Variants in HERC2 observed in about 807,000 individuals in gnomAD.
HERC2 encodes the protein HECT and RLD domain containing E3 ubiquitin protein ligase 2.
In HERC2, 102 loss-of-function variants were observed where a neutral mutation model predicts 537.7. The ratio of observed to expected loss-of-function variants is 0.19; its 90% CI spans 0.16 to 0.22. HERC2 has a LOEUF of 0.22. HERC2 is among the 10% of genes least tolerant of loss of function. The pLI, the probability that HERC2 is intolerant of heterozygous loss-of-function variation, is 1.00. For synonymous variants in HERC2, 2,224 were observed against 2,466.2 expected (o/e 0.90, Z 2.91); for missense variants, 4,236 against 6,198.2 (o/e 0.68, Z 10.63).
At position 28,254,294 on chromosome 15, in the gene HERC2, A is replaced by C. The variant is rs374543627; in HGVS notation, c.3050+46T>G. 2.5e-4 allele frequency: 348 copies of C among 1,386,308 alleles called. 1 individual carries two copies. In the African/African-American group the frequency reaches 4.9e-3, roughly 19 times the overall value. 85.9% of individuals were successfully genotyped at this position (1,386,308 alleles called of 1,614,324 possible). A position where few individuals can be genotyped will look rare whatever the true frequency, so the allele number is the denominator to read the frequency against. The stretch of plus-strand genomic sequence containing the variant: ...GCGAACTCTGTCACACACACAAAAA[A>C]AAGTAAATAAATAACATATAATACA... On this transcript the variant is annotated intron_variant, in intron 20 of 92. Transcript: ENST00000261609.
chr15:28,167,546 C>A, intron 68 of HERC2, 141 bp downstream of exon 68: 6 of 941,760 alleles, frequency 6.4e-6, no homozygotes, highest in Non-Finnish European at 9.7e-6. Context: ...TTCCCACAAA[C>A]GCTTCGAAGA....
intron 2 of HERC2, among the ~76,000 whole-genome samples, chr15:28,313,596 C>T (rs1347910040): frequency 1.3e-5 from 2 of 152,180 alleles, no homozygotes; most frequent in African/African-American, 4.8e-5. Flanking sequence ...CATGTCCTTA[C>T]AATTTGACAG....
chr15:28,179,316 T>TA (rs1409638942), intron 57 of HERC2, 93 bp from the exon 58 acceptor site: 9 of 948,958 alleles, frequency 9.5e-6, no homozygotes, highest in Admixed American at 4.6e-5. Flanking sequence ...TACAAGGAAT[T>TA]ACAGTTATGC....
chr15:28,126,887 TAAAA>T (rs1467743736), intron 83 of HERC2, among the ~76,000 whole-genome samples: 6 of 152,042 alleles, frequency 3.9e-5, no homozygotes, highest in Admixed American at 6.6e-5. Flanking sequence ...AAAAATAACA[TAAAA>T]AAAGAACATG....
At chr15:28,124,435 C>T (rs1203907365) in intron 84 of HERC2, among the ~76,000 whole-genome samples, 1 of 152,188 alleles carries the variant, frequency 6.6e-6, no homozygotes, top group Non-Finnish European at 1.5e-5. Context: ...TTAGTCTATA[C>T]AAATAAATTC....
intron 23 of HERC2, among the ~76,000 whole-genome samples, chr15:28,245,005 T>G (rs1189305232): frequency 6.6e-6 from 1 of 152,164 alleles, no homozygotes; most frequent in Non-Finnish European, 1.5e-5. Flanking sequence ...AAGATAAGTC[T>G]CATTCCAATT....
At chr15:28,159,097 C>G (rs1374471742) in intron 69 of HERC2, among the ~76,000 whole-genome samples, 48 of 151,940 alleles carry the variant, frequency 3.2e-4, no homozygotes, top group Admixed American at 2.6e-4. Context: ...AGTTTCTGCC[C>G]AGAGATCCGC....
Position 28,177,184 on chromosome 15 carries a change from GGA to G in HERC2, c.9255-59_9255-58del. 1 of 1,525,072 alleles carries G rather than the reference GGA, an allele frequency of 6.6e-7. No homozygotes were observed. The highest frequency in any genetic ancestry group is 2.3e-5 in the East Asian group (1 of 44,118). 94.5% of individuals were successfully genotyped at this position (1,525,072 alleles called of 1,614,324 possible). A position where few individuals can be genotyped will look rare whatever the true frequency, so the allele number is the denominator to read the frequency against. On this transcript the variant is annotated intron_variant, in intron 60 of 92. Transcript: ENST00000261609. The surrounding 1 kb of genome is among the most constrained non-coding windows in gnomAD (Gnocchi z 5.0). ...CAATCTGTCCCTTCTTAGAGATGAAGGAAAAAAGACATCTATACTGATCCACA... is the reference window on the plus strand; with the variant it reads ...CAATCTGTCCCTTCTTAGAGATGAAGAAAAAGACATCTATACTGATCCACA...
intron 23 of HERC2, among the ~76,000 whole-genome samples, chr15:28,245,613 A>G (rs1903620378): frequency 6.6e-6 from 1 of 151,462 alleles, no homozygotes; most frequent in African/African-American, 2.4e-5. Context: ...ACAGATATAT[A>G]TATACACACA....
At chr15:28,287,375 A>C (rs1245024537) in intron 4 of HERC2, among the ~76,000 whole-genome samples, 1 of 152,186 alleles carries the variant, frequency 6.6e-6, no homozygotes. Flanking sequence ...GTTCTGCGAA[A>C]GCTCTGTACC....
rs1326727562 is a variant in HERC2, at chr15:28,246,854, T to C, written c.3279A>G (p.Thr1093=). The change falls in exon 22 of 93, where the codon ACA becomes ACG. Residue 1093 remains threonine, a synonymous_variant. Coordinates refer to ENST00000261609, the MANE Select transcript of HERC2 (RefSeq NM_004667.6). ...CTCCAATGTGCGTGCACAGGAGGGC[T>C]GTGTACTTCTTCAGCAAGGAACCAA... is the stretch of plus-strand genomic sequence containing the variant. ...MGVGSLLKKY[T]ALLCTHIGDI... 1 of 1,611,514 alleles carries C rather than the reference T, an allele frequency of 6.2e-7. No individual in the cohort carries two copies. Among genetic ancestry groups the C allele is most frequent in the African/African-American group, 1.3e-5 (1 of 74,890 alleles).
chr15:28,313,954 C>G (rs2077013301), intron 2 of HERC2, among the ~76,000 whole-genome samples: 1 of 152,174 alleles, frequency 6.6e-6, no homozygotes, highest in African/African-American at 2.4e-5. Context: ...AGACCCCATG[C>G]TCTGAGCTGG....
chr15:28,170,009 A>T (rs1894534178), intron 65 of HERC2, among the ~76,000 whole-genome samples: 1 of 152,218 alleles, frequency 6.6e-6, no homozygotes, highest in Non-Finnish European at 1.5e-5. Context: ...ATACAAAACA[A>T]CAAAGAGAAA....
intron 4 of HERC2, among the ~76,000 whole-genome samples, chr15:28,287,260 C>G (rs1051707190): frequency 6.6e-5 from 10 of 152,088 alleles, no homozygotes; most frequent in African/African-American, 2.2e-4. Flanking sequence ...GGAATAGGAG[C>G]TATTCTAATA....
At chr15:28,244,762 C>T (rs1903490969) in intron 23 of HERC2, among the ~76,000 whole-genome samples, 1 of 152,026 alleles carries the variant, frequency 6.6e-6, no homozygotes, top group African/African-American at 2.4e-5. Flanking sequence ...AATAAAAAAC[C>T]ATGTTCAATG....
intron 44 of HERC2, among the ~76,000 whole-genome samples, chr15:28,208,913 G>T (rs546463998): frequency 6.6e-6 from 1 of 152,164 alleles, no homozygotes; most frequent in Non-Finnish European, 1.5e-5. Context: ...AAACCCTAGA[G>T]AGCAATGATC....
Position 28,263,088 on chromosome 15 carries a change from A to G in HERC2, c.1952T>C (p.Ile651Thr). Residue 651 changes from isoleucine (I) to threonine (T), a missense_variant, in exon 15 of 93, where the codon ATT (isoleucine) becomes ACT (threonine). Ile to Thr is a moderately conservative substitution (Grantham distance 89). Around this residue, in one of 27 missense-constraint regions of HERC2, gnomAD observed 754 missense variants for 1,085.0 expected, o/e 0.69. Transcript: ENST00000261609. ...CACATCCAAGTCTTGAAGCTTTTCA[A>G]TCAGCTTTGGGGTTTTGCAGCCATC... is the stretch of plus-strand genomic sequence containing the variant. Reference protein sequence around the residue: ...GSDGCKTPKLIEKLQDLDVVK... With the variant: ...GSDGCKTPKLTEKLQDLDVVK... 2 of 1,614,192 alleles carry G rather than the reference A, an allele frequency of 1.2e-6. No individual in the cohort carries two copies. Among genetic ancestry groups the G allele is most frequent in the Non-Finnish European group, 1.7e-6 (2 of 1,180,034 alleles).
At chr15:28,209,386 C>T (rs1898860843) in intron 44 of HERC2, among the ~76,000 whole-genome samples, 1 of 152,022 alleles carries the variant, frequency 6.6e-6, no homozygotes, top group Non-Finnish European at 1.5e-5. Context: ...CTCTGTCACC[C>T]AGGCTGGAGT....
intron 4 of HERC2, among the ~76,000 whole-genome samples, chr15:28,292,255 C>G (rs77104128): frequency 7.5e-6 from 1 of 132,894 alleles, no homozygotes; most frequent in African/African-American, 2.7e-5. Flanking sequence ...AAAAAAAAAC[C>G]AGGCAAAGTA....
Sources: allele counts gnomAD v4.1 joint callset (sites outside exome capture counted in the v4.1 genomes callset), GRCh38; gene constraint gnomAD v4.1.1; regional missense constraint gnomAD v4.1.1; non-coding constraint Gnocchi (gnomAD v3.1); transcripts MANE v1.5; gene names NCBI Gene and HGNC (gene_info 2026-07-23, HGNC 2026-07-21).